Variants in RIBC2 observed in about 807,000 individuals in gnomAD.
RIBC2 encodes the protein RIB43A domain with coiled-coils 2, also known as RIB43A-like with coiled-coils protein 2.
In RIBC2, 40 loss-of-function variants were observed where a neutral mutation model predicts 44.3. The ratio of observed to expected loss-of-function variants is 0.90; its 90% CI spans 0.70 to 1.18. RIBC2 has a LOEUF of 1.18. Among genes scored for constraint, RIBC2 ranks in the 50% most tolerant of loss-of-function variants. The probability of loss-of-function intolerance (pLI) is 0.00; values close to 1 mark genes in which losing one functional copy is unlikely to be tolerated. For missense variants in RIBC2, 459 were observed against 485.5 expected (o/e 0.95, Z 0.51); for synonymous variants, 171 against 175.0 (o/e 0.98, Z 0.18).
chr22:45,430,893 C>T lies in RIBC2; in HGVS notation c.904-7C>T. 6.4e-7 allele frequency: 1 copy of T among 1,570,306 alleles called. No individual in the cohort carries two copies. The highest frequency in any genetic ancestry group is 1.4e-5 in the African/African-American group (1 of 73,436). On this transcript the variant is annotated splice_polypyrimidine_tract_variant and splice_region_variant and intron_variant, in intron 5 of 6. Transcript: ENST00000614167. ...AGGTGGTGGTGAGCCGCCTCTTTTC[C>T]TTCCAGAGGCTCCAGGAAGAAAAGC...
intron 5 of RIBC2, among the ~76,000 whole-genome samples, chr22:45,428,068 G>A (rs1439141324): frequency 6.6e-6 from 1 of 152,230 alleles, no homozygotes; most frequent in Non-Finnish European, 1.5e-5. Context: ...GATGCAAGCC[G>A]TGGTTTCCTG....
At chr22:45,418,010 T>C in intron 3 of RIBC2, 64 bp downstream of exon 3, 1 of 898,358 alleles carries the variant, frequency 1.1e-6, no homozygotes, top group East Asian at 3.0e-5. Context: ...CCTACAGTTT[T>C]TTTTTTTTTT....
At chr22:45,418,971 C>G (rs1328118271) in intron 3 of RIBC2, among the ~76,000 whole-genome samples, 1 of 152,176 alleles carries the variant, frequency 6.6e-6, no homozygotes, top group South Asian at 2.1e-4. Flanking sequence ...ACCTCCTGCT[C>G]CTGGAAATGC....
chr22:45,424,103 C>T (rs2087511304), intron 4 of RIBC2, among the ~76,000 whole-genome samples: 1 of 152,100 alleles, frequency 6.6e-6, no homozygotes, highest in Non-Finnish European at 1.5e-5. Context: ...CACAGCCTGC[C>T]TGGTTTTCTC....
intron 2 of RIBC2, 54 bp from the exon 3 acceptor site, chr22:45,417,548 A>G: frequency 7.6e-7 from 1 of 1,312,864 alleles, no homozygotes; most frequent in Non-Finnish European, 1.0e-6. Context: ...AATGGATTCA[A>G]ATTTATTTTT....
Position 45,426,036 on chromosome 22 carries a change from A to T in RIBC2, c.764A>T (p.Asp255Val), listed in dbSNP as rs139915812. The T allele has an allele frequency of 1.1e-5, 17 of 1,614,082 alleles. No individual in the cohort carries two copies. The highest frequency in any genetic ancestry group is 1.6e-4 in the Middle Eastern group (1 of 6,062). The change falls in exon 5 of 7, where the codon GAC becomes GTC. Residue 255 changes from aspartate (D) to valine (V), a missense_variant. Transcript: ENST00000614167. ...LAEITNLLRG[D>V]LLSENPQQAA... ...GAGATCACCAACCTCCTGCGTGGGGACCTGCTCTCCGAGAACCCGCAGCAG... is the reference window on the plus strand; with the variant it reads ...GAGATCACCAACCTCCTGCGTGGGGTCCTGCTCTCCGAGAACCCGCAGCAG...
chr22:45,417,877 C>G lies in RIBC2; in HGVS notation c.487C>G (p.Gln163Glu). Residue 163 changes from glutamine to glutamate, a missense_variant, in exon 3 of 7, where the codon CAA becomes GAA. Coordinates refer to ENST00000614167, the MANE Select transcript of RIBC2 (RefSeq NM_015653.5). ...TGAGAGGAAGAAATTCCAAGAGGAACAAAACAGAGAATGGTCTTTGCAGCA... is the reference window on the plus strand; with the variant it reads ...TGAGAGGAAGAAATTCCAAGAGGAAGAAAACAGAGAATGGTCTTTGCAGCA... ...FHERKKFQEE[Q>E]NREWSLQQQR... 1 of 1,613,836 alleles carries G rather than the reference C, an allele frequency of 6.2e-7. No individual in the cohort carries two copies. Among genetic ancestry groups the G allele is most frequent in the East Asian group, 2.2e-5 (1 of 44,876 alleles).
At chr22:45,428,366 G>C (rs755091273) in intron 5 of RIBC2, among the ~76,000 whole-genome samples, 1 of 152,236 alleles carries the variant, frequency 6.6e-6, no homozygotes, top group Non-Finnish European at 1.5e-5. Context: ...ATGAGGTGAA[G>C]GGAAAGTTTT....
chr22:45,426,675 G>A (rs1022480), intron 5 of RIBC2, among the ~76,000 whole-genome samples: 93,626 of 151,974 alleles, frequency 0.62, 31,140 homozygotes, highest in African/African-American at 0.87. Flanking sequence ...CAGGGTTTTG[G>A]ACAGAGAAGT....
At chr22:45,431,164 C>T in intron 6 of RIBC2, 98 bp downstream of exon 6, 1 of 1,386,102 alleles carries the variant, frequency 7.2e-7, no homozygotes, top group Non-Finnish European at 9.8e-7. Flanking sequence ...AGGGGAAACA[C>T]CCCGCCCTGG....
chr22:45,421,314 TTATTATTAATACTATTATTAA>T (rs1446414013), intron 3 of RIBC2, among the ~76,000 whole-genome samples: 4 of 95,372 alleles, frequency 4.2e-5, no homozygotes, highest in Admixed American at 2.2e-4. Context: ...AATACTATTA[TTATTATTAATACTATTATTAA>T]TAATAATAAT....
intron 5 of RIBC2, among the ~76,000 whole-genome samples, chr22:45,426,948 C>A (rs780296425): frequency 6.6e-6 from 1 of 151,724 alleles, no homozygotes; most frequent in Non-Finnish European, 1.5e-5. Flanking sequence ...GAGTTAAAGG[C>A]GACTCTAGGT....
intron 3 of RIBC2, among the ~76,000 whole-genome samples, chr22:45,418,675 A>G (rs1361097020): frequency 2.0e-5 from 3 of 152,098 alleles, no homozygotes; most frequent in African/African-American, 7.2e-5. Context: ...CAAAACAGGG[A>G]CCAGGCACAG....
intron 3 of RIBC2, among the ~76,000 whole-genome samples, chr22:45,420,879 C>T (rs921877782): frequency 2.0e-5 from 3 of 152,212 alleles, no homozygotes; most frequent in African/African-American, 7.2e-5. Flanking sequence ...ATTCCCAAAA[C>T]AGCAGTCAGT....
intron 2 of RIBC2, among the ~76,000 whole-genome samples, chr22:45,414,956 C>T (rs2087406489): frequency 6.6e-6 from 1 of 152,104 alleles, no homozygotes; most frequent in Admixed American, 6.5e-5. Context: ...GGCTCACACC[C>T]TCAAGCTGAC....
intron 4 of RIBC2, among the ~76,000 whole-genome samples, chr22:45,425,497 GGCTGCA>G (rs1773759546): frequency 6.6e-6 from 1 of 152,190 alleles, no homozygotes; most frequent in South Asian, 2.1e-4. Flanking sequence ...TTGTACTGGG[GGCTGCA>G]GCTCAGGACC....
At position 45,429,585 on chromosome 22, in the gene RIBC2, G is replaced by C. The variant is rs189449457; in HGVS notation, c.904-1315G>C. On this transcript the variant is annotated intron_variant, in intron 5 of 6. Transcript: ENST00000614167. ...CGTCCACCTGCTTCCCTGCAGGCCA[G>C]AGGTGCACATGTGTGGGAGGCTGCA... 4.6e-5 allele frequency among the ~76,000 whole-genome samples: 7 copies of C among 152,230 alleles called. No individual in the cohort carries two copies. The East Asian group carries it at 1.4e-3, about 29-fold the overall frequency.
At chr22:45,419,389 T>C (rs1464701586) in intron 3 of RIBC2, among the ~76,000 whole-genome samples, 1 of 152,050 alleles carries the variant, frequency 6.6e-6, no homozygotes, top group Non-Finnish European at 1.5e-5. Context: ...TTCTCTCCAT[T>C]TTTCAGCTAC....
intron 1 of RIBC2, 87 bp downstream of exon 1, chr22:45,414,102 T>TGAAACTGAGCTCA (rs2087392093): frequency 1.3e-6 from 2 of 1,511,596 alleles, no homozygotes; most frequent in South Asian, 2.6e-5. Flanking sequence ...AGTTCTAGGA[T>TGAAACTGAGCTCA]GAAACATCTG....
Sources: gnomAD v4.1 joint callset for allele counts (sites outside exome capture counted in the v4.1 genomes callset) on GRCh38, gnomAD v4.1.1 for gene constraint, MANE v1.5 for transcripts, NCBI Gene and HGNC (gene_info 2026-07-23, HGNC 2026-07-21) for gene names.